Variants in TGM4 observed in about 807,000 individuals in gnomAD.
TGM4 encodes the protein transglutaminase 4.
A neutral mutation model predicts 76.3 loss-of-function variants in TGM4; 61 were observed. The ratio of observed to expected loss-of-function variants is 0.80; its 90% CI spans 0.65 to 0.99. The LOEUF is 0.99. Among genes scored for constraint, TGM4 ranks in the 50% least tolerant of loss-of-function variants. The probability of loss-of-function intolerance (pLI) is 0.00; values close to 1 mark genes in which losing one functional copy is unlikely to be tolerated. For missense variants in TGM4, 794 were observed against 843.2 expected (o/e 0.94, Z 0.72); for synonymous variants, 337 against 329.8 (o/e 1.02, Z -0.24).
At chr3:44,895,023 C>T (rs548366006) in intron 5 of TGM4, among the ~76,000 whole-genome samples, 7 of 152,208 alleles carry the variant, frequency 4.6e-5, no homozygotes, top group African/African-American at 1.2e-4. Flanking sequence ...GGGCCGGGCA[C>T]GGTGGCTCAC....
chr3:44,888,225 C>A (rs1223562039), intron 3 of TGM4: 1 of 181,336 alleles, frequency 5.5e-6, no homozygotes, highest in African/African-American at 2.3e-5. Flanking sequence ...GTGGCTTCTG[C>A]CCGAGTGTGT....
rs748421888 is a variant in TGM4, at chr3:44,890,692, A to G, written c.390A>G (p.Glu130=). The change falls in exon 4 of 14, where the codon GAA becomes GAG. Residue 130 remains glutamate (E), a synonymous_variant. Coordinates refer to ENST00000296125, the MANE Select transcript of TGM4 (RefSeq NM_003241.4). ...VKTGNHILKS[E]ENILYLLFNP... ...CTGGAAACCACATCCTTAAGTCTGA[A>G]GAAAACATCCTATACCTTCTCTTCA... 8 of 1,614,098 alleles carry G rather than the reference A, an allele frequency of 5.0e-6. No homozygotes were observed. The highest frequency in any genetic ancestry group is 1.3e-5 in the African/African-American group (1 of 74,938).
chr3:44,910,882 C>A, intron 11 of TGM4, 76 bp from the exon 12 acceptor site: 1 of 1,485,698 alleles, frequency 6.7e-7, no homozygotes, highest in African/African-American at 1.4e-5. Flanking sequence ...TAATCTAATT[C>A]TGTGCTTGAT....
At chr3:44,890,890 G>A (rs186084593) in intron 4 of TGM4, among the ~76,000 whole-genome samples, 158 bp downstream of exon 4, 4 of 152,300 alleles carry the variant, frequency 2.6e-5, no homozygotes, top group African/African-American at 9.6e-5. Context: ...CCAATGGAGC[G>A]TTTTCTTTGT....
At position 44,910,353 on chromosome 3, in the gene TGM4, C is replaced by T. The variant is rs745496973; in HGVS notation, c.1591C>T (p.Gln531Ter). ...ACTGTGTGACCTCAATAAGACCTCG[C>T]AGATCCAAGGTCAAGGTACCAGAAC... ...AKLCDLNKTS[Q>*]IQGQVSEVTL... Residue 531 changes from glutamine to a stop codon, truncating the protein, a stop_gained, in exon 11 of 14, where the codon CAG becomes TAG. Coordinates refer to ENST00000296125, the MANE Select transcript of TGM4 (RefSeq NM_003241.4). LOFTEE classifies it high-confidence loss of function. 6.2e-7 allele frequency: 1 copy of T among 1,613,714 alleles called. No individual in the cohort carries two copies. The highest frequency in any genetic ancestry group is 1.7e-5 in the Admixed American group (1 of 60,026).
At chr3:44,884,190 C>T (rs1189904806) in intron 1 of TGM4, among the ~76,000 whole-genome samples, 1 of 152,146 alleles carries the variant, frequency 6.6e-6, no homozygotes, top group Non-Finnish European at 1.5e-5. Context: ...AGGCTCAGCC[C>T]CACTCAGAAC....
intron 5 of TGM4, 70 bp from the exon 6 acceptor site, chr3:44,896,639 A>G: frequency 6.9e-7 from 1 of 1,447,428 alleles, no homozygotes; most frequent in Non-Finnish European, 9.7e-7. Context: ...CATGCAAATT[A>G]GATGGTATGT....
At position 44,893,602 on chromosome 3, in the gene TGM4, G is replaced by A. The variant is rs151174778; in HGVS notation, c.456G>A (p.Glu152=). Residue 152 remains glutamate (E), a synonymous_variant, in exon 5 of 14, where the codon GAG becomes GAA. Coordinates refer to ENST00000296125, the MANE Select transcript of TGM4 (RefSeq NM_003241.4). ...CKEDMVFMPD[E]DERKEYILND... Reference sequence around the variant, plus strand: ...AGGACATGGTTTTCATGCCTGATGAGGACGAGCGCAAAGAGTACATCCTCA... The same window carrying A: ...AGGACATGGTTTTCATGCCTGATGAAGACGAGCGCAAAGAGTACATCCTCA... The A allele has an allele frequency of 3.7e-6, 6 of 1,613,756 alleles. No homozygotes were observed. In the African/African-American group the frequency reaches 5.3e-5, roughly 14 times the overall value.
At chr3:44,909,911 G>A (rs17077036) in intron 10 of TGM4, among the ~76,000 whole-genome samples, 179 bp from the exon 11 acceptor site, 31,995 of 152,150 alleles carry the variant, frequency 0.21, 4,974 homozygotes, top group East Asian at 0.77. Flanking sequence ...ATGTCAGAAT[G>A]TGCTATTGCT....
intron 3 of TGM4, chr3:44,888,724 T>A (rs1699646727): frequency 6.6e-6 from 1 of 152,126 alleles, no homozygotes; most frequent in African/African-American, 2.4e-5. Context: ...CACAATGAAT[T>A]TTTACATATG....
At position 44,910,966 on chromosome 3, in the gene TGM4, G is replaced by T. The variant is rs762752388; in HGVS notation, c.1615G>T (p.Val539Leu). 1.2e-6 allele frequency: 2 copies of T among 1,613,960 alleles called. No homozygotes were observed. Among genetic ancestry groups the T allele is most frequent in the Non-Finnish European group, 1.7e-6 (2 of 1,179,940 alleles). ...TSQIQGQVSE[V>L]TLTLDSKTYI... Reference sequence around the variant, plus strand: ...CCCTGACTCTTTGGCAGTATCAGAAGTGACTCTGACCTTGGACTCCAAGAC... The same window carrying T: ...CCCTGACTCTTTGGCAGTATCAGAATTGACTCTGACCTTGGACTCCAAGAC... Residue 539 changes from valine to leucine, a missense_variant, in exon 12 of 14, where the codon GTG (valine) becomes TTG (leucine). By Grantham distance (32) the Val-to-Leu change is conservative. Coordinates refer to ENST00000296125, the MANE Select transcript of TGM4 (RefSeq NM_003241.4).
At chr3:44,912,707 C>A (rs183881501) in intron 13 of TGM4, among the ~76,000 whole-genome samples, 1 of 152,072 alleles carries the variant, frequency 6.6e-6, no homozygotes, top group Non-Finnish European at 1.5e-5. Flanking sequence ...TTGTGTCTTG[C>A]CATCTAGGAA....
rs368450796 is a variant in TGM4 at position 44,893,641 on chromosome 3, C to T, written c.495C>T (p.Cys165=). 10 of 1,613,898 alleles carry T rather than the reference C, an allele frequency of 6.2e-6. No homozygotes were observed. In the East Asian group the frequency reaches 2.0e-4, roughly 32 times the overall value. The change falls in exon 5 of 14, where the codon TGC becomes TGT. Residue 165 remains cysteine, a synonymous_variant. Coordinates refer to ENST00000296125, the MANE Select transcript of TGM4 (RefSeq NM_003241.4). The part of the protein sequence containing the change: ...RKEYILNDTG[C]HYVGAARSIK... ...AGTACATCCTCAATGACACGGGCTG[C>T]CATTACGTGGGGGCTGCCAGAAGTA...
chr3:44,891,388 T>C (rs952981803), intron 4 of TGM4, among the ~76,000 whole-genome samples: 10 of 151,900 alleles, frequency 6.6e-5, no homozygotes, highest in Non-Finnish European at 1.2e-4. Flanking sequence ...TTGGAAATGA[T>C]TTTGAGCTCA....
intron 4 of TGM4, 134 bp from the exon 5 acceptor site, chr3:44,893,443 C>T: frequency 2.6e-6 from 2 of 761,794 alleles, no homozygotes; most frequent in Non-Finnish European, 4.5e-6. Flanking sequence ...GCTTACCTCC[C>T]TCCCCCAACA....
rs192972716 is a variant in TGM4 at position 44,898,064 on chromosome 3, G to A, written c.657+1248G>A. On this transcript the variant is annotated intron_variant, in intron 6 of 13. Transcript: ENST00000296125. ...TGGGAGGCCGAGGCAGGCAGATCACGAGGTCAGGAGATCGAGACCATCCTG... is the reference window on the plus strand; with the variant it reads ...TGGGAGGCCGAGGCAGGCAGATCACAAGGTCAGGAGATCGAGACCATCCTG... Among the ~76,000 whole-genome samples the A allele has an allele frequency of 2.9e-3, 439 of 152,196 alleles. 2 individuals carry two copies. Among genetic ancestry groups the A allele is most frequent in the African/African-American group, 9.9e-3 (410 of 41,512 alleles).
At chr3:44,891,109 T>A (rs1248375117) in intron 4 of TGM4, among the ~76,000 whole-genome samples, 1 of 152,188 alleles carries the variant, frequency 6.6e-6, no homozygotes, top group Non-Finnish European at 1.5e-5. Flanking sequence ...TTAGTTCTGT[T>A]CTCTTCTCTC....
chr3:44,887,666 T>C, intron 2 of TGM4, 23 bp from the exon 3 acceptor site: 2 of 1,611,004 alleles, frequency 1.2e-6, no homozygotes, highest in Admixed American at 1.7e-5. Context: ...GCTGGGCCAA[T>C]GTTTTCCTTT....
rs907272845 is a variant in TGM4, at chr3:44,914,289, G to A, written c.*564G>A. 1 of 153,180 alleles carries A rather than the reference G, an allele frequency of 6.5e-6. No individual in the cohort carries two copies. The highest frequency in any genetic ancestry group is 1.5e-5 in the Non-Finnish European group (1 of 68,778). The allele number at this position is 153,180 out of a possible 1,614,324, so 9.5% of individuals were successfully genotyped here. Reference sequence around the variant, plus strand: ...CTCCAAGCAGTTTGAAGCCCAATCTGCAAGGACATTTCTCAAGGGCCATGT... The same window carrying A: ...CTCCAAGCAGTTTGAAGCCCAATCTACAAGGACATTTCTCAAGGGCCATGT... On this transcript the variant is annotated 3_prime_UTR_variant, in exon 14 of 14. Coordinates refer to ENST00000296125, the MANE Select transcript of TGM4 (RefSeq NM_003241.4).
Sources: gnomAD v4.1 joint callset for allele counts (sites outside exome capture counted in the v4.1 genomes callset) on GRCh38, gnomAD v4.1.1 for gene constraint, MANE v1.5 for transcripts, NCBI Gene and HGNC (gene_info 2026-07-23, HGNC 2026-07-21) for gene names.